ZIC4: variants seen among roughly 807,000 people sequenced by gnomAD.
ZIC4 encodes zinc finger protein ZIC 4.
In ZIC4, 15 loss-of-function variants were observed where a neutral mutation model predicts 28.8. The ratio of observed to expected loss-of-function variants is 0.52; its 90% CI spans 0.35 to 0.80. The LOEUF is 0.80. Among genes scored for constraint, ZIC4 ranks in the 30% least tolerant of loss-of-function variants. The pLI, the probability that ZIC4 is intolerant of heterozygous loss-of-function variation, is 0.01. For missense variants in ZIC4, 512 were observed against 467.1 expected (o/e 1.10, Z -0.89); for synonymous variants, 220 against 198.1 (o/e 1.11, Z -0.93).
chr3:147,400,528 A>G (rs916121569), intron 2 of ZIC4, among the ~76,000 whole-genome samples: 1 of 152,204 alleles, frequency 6.6e-6, no homozygotes, highest in Non-Finnish European at 1.5e-5. Flanking sequence ...CCTGCAGGTC[A>G]CTGAGGTTGC....
At chr3:147,395,787 A>G in intron 3 of ZIC4, 65 bp downstream of exon 3, 2 of 1,549,474 alleles carry the variant, frequency 1.3e-6, no homozygotes, top group South Asian at 1.3e-5. Flanking sequence ...GACTTGAGGA[A>G]ATCCAGACCC....
At chr3:147,404,149 A>G (rs553389510) in intron 1 of ZIC4, 24 of 1,530,538 alleles carry the variant, frequency 1.6e-5, no homozygotes, top group African/African-American at 1.4e-4. Flanking sequence ...TCTGGCATGG[A>G]AAAGTCCTGG....
chr3:147,404,970 C>G (rs1265816772), intron 1 of ZIC4, among the ~76,000 whole-genome samples: 1 of 152,232 alleles, frequency 6.6e-6, no homozygotes, highest in African/African-American at 2.4e-5. Context: ...AGCAAAAACC[C>G]TGAAAGCTGG....
chr3:147,393,641 A>G (rs1489552570), intron 3 of ZIC4: 1 of 292,498 alleles, frequency 3.4e-6, no homozygotes, highest in African/African-American at 2.3e-5. Flanking sequence ...GGCCAGCGCC[A>G]TTTTCTCGCA....
In ZIC4 at chr3:147,395,909, A is replaced by T; in HGVS notation, c.631T>A (p.Cys211Ser). 1 of 1,613,978 alleles carries T rather than the reference A, an allele frequency of 6.2e-7. No homozygotes were observed. The highest frequency in any genetic ancestry group is 8.5e-7 in the Non-Finnish European group (1 of 1,180,016). The change falls in exon 3 of 5, where the codon TGT becomes AGT. Residue 211 changes from cysteine to serine, a missense_variant. This residue lies in a region of ZIC4 where 58 missense variants were observed against 93.8 expected (regional missense o/e 0.62). Transcript: ENST00000383075. ...EKPFPCPFPG[C>S]GKVFARSENL... The stretch of plus-strand genomic sequence containing the variant: ...TCTGATCTAGCAAAGACCTTCCCAC[A>T]CCCCGGGAAAGGACAAGGGAAGGGC...
In ZIC4 at chr3:147,399,595, A is replaced by G. The variant is rs528103760; in HGVS notation, c.71-3126T>C. On this transcript the variant is annotated intron_variant, in intron 2 of 4. Transcript: ENST00000383075. ...TTCTCTGCTGGACCCTAGGTAATCT[A>G]AAACTAACAGTTCAGAATGTTTGTC... Among the ~76,000 whole-genome samples, 19 of 152,256 alleles carry G rather than the reference A, an allele frequency of 1.2e-4. No individual in the cohort carries two copies. In the South Asian group the frequency reaches 3.7e-3, roughly 30 times the overall value.
In ZIC4 at chr3:147,396,349, C is replaced by A. The variant is rs763054754; in HGVS notation, c.191G>T (p.Arg64Leu). The part of the protein sequence containing the change: ...SPSRPLNGLL[R>L]LGLPGDMYAR... ...GTACATGTCTCCAGGGAGCCCCAGA[C>A]GCAGGAGTCCATTCAAAGGACGGCT... is the stretch of plus-strand genomic sequence containing the variant. The change falls in exon 3 of 5, where the codon CGT becomes CTT. Residue 64 changes from arginine to leucine, a missense_variant. By Grantham distance (102) the Arg-to-Leu change is moderately radical. Coordinates refer to ENST00000383075, the MANE Select transcript of ZIC4 (RefSeq NM_032153.6). The surrounding 1 kb of genome is among the most constrained non-coding windows in gnomAD (Gnocchi z 4.2). 8.3e-6 allele frequency: 13 copies of A among 1,563,210 alleles called. No individual in the cohort carries two copies. Among genetic ancestry groups the A allele is most frequent in the Middle Eastern group, 1.7e-4 (1 of 5,758 alleles).
At chr3:147,390,690 G>A (rs1202209237) in intron 4 of ZIC4, among the ~76,000 whole-genome samples, 1 of 152,180 alleles carries the variant, frequency 6.6e-6, no homozygotes, top group African/African-American at 2.4e-5. Flanking sequence ...TTATATTAGC[G>A]TATTCAGTGA....
chr3:147,388,907 C>G, intron 4 of ZIC4, 48 bp from the exon 5 acceptor site: 1 of 777,826 alleles, frequency 1.3e-6, no homozygotes, highest in South Asian at 1.4e-5. Flanking sequence ...GCCGACCAAA[C>G]ATTTTGTTTT....
Position 147,399,655 on chromosome 3 carries a change from A to T in ZIC4, c.70+3073T>A, listed in dbSNP as rs117154664. Among the ~76,000 whole-genome samples the T allele has an allele frequency of 1.1e-3, 165 of 151,670 alleles. 4 individuals are homozygous for T. The East Asian group carries it at 0.028, about 26-fold the overall frequency. On this transcript the variant is annotated intron_variant, in intron 2 of 4. Coordinates refer to ENST00000383075, the MANE Select transcript of ZIC4 (RefSeq NM_032153.6). ...TTAGCTTTAAGACTCTGATTTGCAA[A>T]AACACGGATTTTTTTTTTTTTTTTT...
intron 4 of ZIC4, chr3:147,389,385 C>T (rs2086861268): frequency 6.5e-6 from 1 of 153,050 alleles, no homozygotes; most frequent in South Asian, 2.1e-4. Context: ...GTTTGCTGGG[C>T]TCAGATTTTA....
Position 147,396,234 on chromosome 3 carries a change from G to C in ZIC4, c.306C>G (p.Asn102Lys). 4 of 1,613,860 alleles carry C rather than the reference G, an allele frequency of 2.5e-6. No individual in the cohort carries two copies. Among genetic ancestry groups the C allele is most frequent in the Non-Finnish European group, 3.4e-6 (4 of 1,179,912 alleles). Residue 102 changes from asparagine to lysine, a missense_variant, in exon 3 of 5, where the codon AAC becomes AAG. Coordinates refer to ENST00000383075, the MANE Select transcript of ZIC4 (RefSeq NM_032153.6). This position sits in a 1 kb window ranked among gnomAD's most constrained non-coding sequence, Gnocchi z 4.2. ...GGGGCGCAGCGAGGTTCACCGTCAG[G>C]TTCATGCCCCCGTAGCCATGCAGGG... ...AAALHGYGGMNLTVNLAAPHG... is the reference protein window; with the variant it reads ...AAALHGYGGMKLTVNLAAPHG...
intron 1 of ZIC4, among the ~76,000 whole-genome samples, chr3:147,403,200 T>C (rs1204152296): frequency 2.0e-5 from 3 of 152,164 alleles, no homozygotes; most frequent in Non-Finnish European, 2.9e-5. Context: ...TGAAATTTAG[T>C]GAGGTGTGGT....
chr3:147,397,720 G>A (rs558002549), intron 2 of ZIC4, among the ~76,000 whole-genome samples: 4 of 152,312 alleles, frequency 2.6e-5, no homozygotes, highest in African/African-American at 9.6e-5. Context: ...TCGAAGGACC[G>A]AAGGAGGTTG....
At chr3:147,405,577 A>C (rs1186960152) in intron 1 of ZIC4, 48 of 1,194,368 alleles carry the variant, frequency 4.0e-5, no homozygotes, top group Non-Finnish European at 5.4e-5. Flanking sequence ...CCCTGGGTCT[A>C]GGCTAGGGGC....
chr3:147,402,776 C>G lies in ZIC4; in HGVS notation c.22G>C (p.Val8Leu). 1 of 1,613,818 alleles carries G rather than the reference C, an allele frequency of 6.2e-7. No homozygotes were observed. Among genetic ancestry groups the G allele is most frequent in the Non-Finnish European group, 8.5e-7 (1 of 1,179,918 alleles). Reference protein sequence around the residue: MRYKTSLVMRKRLRLYRN... With the variant: MRYKTSLLMRKRLRLYRN... ...TAAAGCCGTAATCGTTTCCTCATCA[C>G]CAAGGATGTCTTGTATCTCATTTTC... The change falls in exon 2 of 5, where the codon GTG becomes CTG. Residue 8 changes from valine to leucine, a missense_variant. Coordinates refer to ENST00000383075, the MANE Select transcript of ZIC4 (RefSeq NM_032153.6).
At position 147,402,822 on chromosome 3, in the gene ZIC4, A is replaced by G. The variant is rs777308594; in HGVS notation, c.-15-10T>C. On this transcript the variant is annotated splice_polypyrimidine_tract_variant and intron_variant, in intron 1 of 4. Transcript: ENST00000383075. ...TTTTCTGACTTTGAGCCTGTTTGGG[A>G]AGAAAAGAGTGACAGTCACTAGTTA... 4.3e-6 allele frequency: 7 copies of G among 1,612,278 alleles called. No homozygotes were observed. Among genetic ancestry groups the G allele is most frequent in the Non-Finnish European group, 5.9e-6 (7 of 1,179,104 alleles).
chr3:147,403,873 C>T, intron 1 of ZIC4: 1 of 1,283,608 alleles, frequency 7.8e-7, no homozygotes, highest in African/African-American at 1.5e-5. Context: ...CCTCAACGTC[C>T]AACCAGAATT....
In ZIC4 at chr3:147,387,666, C is replaced by T. The variant is rs1360592413; in HGVS notation, c.*1193G>A. 7 of 152,612 alleles carry T rather than the reference C, an allele frequency of 4.6e-5. No individual in the cohort carries two copies. Among genetic ancestry groups the T allele is most frequent in the African/African-American group, 1.4e-4 (6 of 41,428 alleles). The allele number at this position is 152,612 out of a possible 1,614,324, so 9.5% of individuals were successfully genotyped here. On this transcript the variant is annotated 3_prime_UTR_variant, in exon 5 of 5. Coordinates refer to ENST00000383075, the MANE Select transcript of ZIC4 (RefSeq NM_032153.6). ...TTCCCCACATCCCCTTGGCCTTGGG[C>T]TCTTGAGTTTGCATCTAGGACTAGT...
Sources: gnomAD v4.1 joint callset for allele counts (sites outside exome capture counted in the v4.1 genomes callset) on GRCh38, gnomAD v4.1.1 for gene constraint, gnomAD v4.1.1 regional missense constraint, Gnocchi (gnomAD v3.1) non-coding constraint, MANE v1.5 for transcripts, NCBI Gene and HGNC (gene_info 2026-07-23, HGNC 2026-07-21) for gene names.